SCOC: variants seen among roughly 807,000 people sequenced by gnomAD.
SCOC encodes short coiled coil protein.
Under a neutral mutation model 9.9 loss-of-function variants are expected in SCOC, and 7 were observed. The observed-to-expected ratio is 0.71, with a 90% confidence interval of 0.40 to 1.33. The LOEUF (loss-of-function observed/expected upper bound fraction) is 1.33. Among genes scored for constraint, SCOC ranks in the 40% most tolerant of loss-of-function variants. The probability of loss-of-function intolerance (pLI) is 0.01; values close to 1 mark genes in which losing one functional copy is unlikely to be tolerated. For missense variants in SCOC, 66 were observed against 89.7 expected (o/e 0.74, Z 1.07); for synonymous variants, 19 against 28.2 (o/e 0.67, Z 1.03).
chr4:140,340,102 C>T (rs966770385), upstream of SCOC, among the ~76,000 whole-genome samples: 1 of 152,112 alleles, frequency 6.6e-6, no homozygotes, highest in African/African-American at 2.4e-5. Context: ...ACATATACAC[C>T]ATGGAATACT....
chr4:140,288,816 C>T (rs1731380742), intron 1 of SCOC, among the ~76,000 whole-genome samples: 2 of 151,974 alleles, frequency 1.3e-5, no homozygotes. Flanking sequence ...ACGTAAATAC[C>T]CACATACTAC....
At chr4:140,369,042 G>C (rs1383774183), upstream of SCOC, among the ~76,000 whole-genome samples, 1 of 151,230 alleles carries the variant, frequency 6.6e-6, no homozygotes, top group Non-Finnish European at 1.5e-5. Context: ...AAATCCTTTG[G>C]AATTCTTGCT....
At chr4:140,377,277 C>G (rs921332107) in intron 1 of SCOC, among the ~76,000 whole-genome samples, 1 of 152,086 alleles carries the variant, frequency 6.6e-6, no homozygotes, top group Non-Finnish European at 1.5e-5. Flanking sequence ...CATGTTGATT[C>G]AATGGAGAGG....
chr4:140,381,247 AT>A lies in SCOC; in HGVS notation c.*144del. 1.4e-6 allele frequency: 1 copy of A among 718,740 alleles called. No homozygotes were observed. Among genetic ancestry groups the A allele is most frequent in the Non-Finnish European group, 2.2e-6 (1 of 457,684 alleles). The allele number at this position is 718,740 out of a possible 1,614,324, so 44.5% of individuals were successfully genotyped here. A position where few individuals can be genotyped will look rare whatever the true frequency, so the allele number is the denominator to read the frequency against. ...GTCAGATGTAGACAAAAATAACACA[AT>A]AACAGGAGACTTCCATAAGTTTGTG... On this transcript the variant is annotated 3_prime_UTR_variant, in exon 4 of 4. Coordinates refer to ENST00000608372, the MANE Select transcript of SCOC (RefSeq NM_001153484.2).
chr4:140,258,551 G>A (rs1046261336), intron 1 of SCOC, among the ~76,000 whole-genome samples: 16 of 152,166 alleles, frequency 1.1e-4, no homozygotes, highest in Admixed American at 4.6e-4. Context: ...GGAGGTGAAT[G>A]CCATGCCAAT....
At chr4:140,276,697 T>C (rs1730991715) in intron 1 of SCOC, among the ~76,000 whole-genome samples, 2 of 151,904 alleles carry the variant, frequency 1.3e-5, no homozygotes, top group Admixed American at 1.3e-4. Context: ...CCTCAGGTGA[T>C]CCACCTGTCT....
chr4:140,281,563 G>T (rs111961568), intron 1 of SCOC, among the ~76,000 whole-genome samples: 27 of 152,310 alleles, frequency 1.8e-4, no homozygotes, highest in African/African-American at 6.0e-4. Context: ...GTTATTTCTT[G>T]CTTTGTGGCC....
intron 2 of SCOC, 108 bp from the exon 3 acceptor site, chr4:140,379,461 A>C: frequency 1.2e-6 from 1 of 825,290 alleles, no homozygotes; most frequent in Non-Finnish European, 2.0e-6. Flanking sequence ...GGGCTCTTGT[A>C]TAAGTCAAGT....
At chr4:140,258,928 G>GT (rs1730569839) in intron 1 of SCOC, among the ~76,000 whole-genome samples, 1 of 152,222 alleles carries the variant, frequency 6.6e-6, no homozygotes, top group Non-Finnish European at 1.5e-5. Flanking sequence ...CTGAGCCAGA[G>GT]TATTTTCACT....
chr4:140,373,853 G>T (rs1728190886), intron 1 of SCOC, 136 bp downstream of exon 1: 10 of 975,520 alleles, frequency 1.0e-5, no homozygotes, highest in Non-Finnish European at 1.6e-5. Flanking sequence ...AGCGGTCTCG[G>T]GCCTGGGCAT....
intron 1 of SCOC, among the ~76,000 whole-genome samples, chr4:140,291,025 A>G (rs543638060): frequency 1.6e-4 from 25 of 152,168 alleles, no homozygotes; most frequent in Non-Finnish European, 3.1e-4. Flanking sequence ...TTGTTTTCTC[A>G]CTGGGAACTT....
intron 1 of SCOC, among the ~76,000 whole-genome samples, chr4:140,315,923 T>A (rs1178793169): frequency 6.6e-6 from 1 of 152,052 alleles, no homozygotes; most frequent in African/African-American, 2.4e-5. Flanking sequence ...AGATAGCAGG[T>A]TGCAGTGGCT....
intron 2 of SCOC, among the ~76,000 whole-genome samples, chr4:140,363,408 A>G (rs1468902001): frequency 6.6e-6 from 1 of 152,228 alleles, no homozygotes; most frequent in Non-Finnish European, 1.5e-5. Flanking sequence ...AAAAATTCAC[A>G]AACTTCATAG....
In SCOC at chr4:140,313,322, G is replaced by GCAAC. The variant is rs562908820; in HGVS notation, c.-18-30297_-18-30294dup. Among the ~76,000 whole-genome samples, 275 of 152,274 alleles carry GCAAC rather than the reference G, an allele frequency of 1.8e-3. 1 individual carries two copies. Among genetic ancestry groups the GCAAC allele is most frequent in the African/African-American group, 6.2e-3 (259 of 41,560 alleles). On this transcript the variant is annotated intron_variant, in intron 1 of 4. Coordinates refer to the SCOC transcript ENST00000394205. ...GTGCAATGGCGCGATCTAGCTCACT[G>GCAAC]CAACCTCTGCTTCCCGGGTTCTAGC...
intron 2 of SCOC, 75 bp from the exon 3 acceptor site, chr4:140,379,494 G>T: frequency 9.4e-7 from 1 of 1,062,582 alleles, no homozygotes. Flanking sequence ...AAAACATTTT[G>T]CAGATTTTTA....
chr4:140,304,357 T>C (rs1269618219), intron 1 of SCOC, among the ~76,000 whole-genome samples: 1 of 152,164 alleles, frequency 6.6e-6, no homozygotes, highest in Non-Finnish European at 1.5e-5. Context: ...CCACTGATTC[T>C]GGACATGTTG....
At chr4:140,358,492 TA>T (rs1013886766) in intron 2 of SCOC, among the ~76,000 whole-genome samples, 1 of 152,230 alleles carries the variant, frequency 6.6e-6, no homozygotes, top group African/African-American at 2.4e-5. Context: ...TTAACCTCTC[TA>T]AACTTCAGTT....
upstream of SCOC, chr4:140,373,262 C>T (rs1728137657): frequency 1.5e-6 from 2 of 1,292,320 alleles, no homozygotes; most frequent in South Asian, 1.8e-5. Flanking sequence ...CTCATACCAA[C>T]CTCTTTCCTG....
At position 140,384,755 on chromosome 4, in the gene SCOC, G is replaced by T. The variant is rs931473043; in HGVS notation, c.*3651G>T. The T allele has an allele frequency of 6.6e-6, 1 of 152,104 alleles. No individual in the cohort carries two copies. Among genetic ancestry groups the T allele is most frequent in the Non-Finnish European group, 1.5e-5 (1 of 68,038 alleles). 9.4% of individuals were successfully genotyped at this position (152,104 alleles called of 1,614,324 possible). On this transcript the variant is annotated 3_prime_UTR_variant, in exon 4 of 4. Coordinates refer to ENST00000608372, the MANE Select transcript of SCOC (RefSeq NM_001153484.2). ...TTACATGCTGGTAGAATAATGTTTGGTAGGGAAAAATCAGCATACTCCTTG... is the reference window on the plus strand; with the variant it reads ...TTACATGCTGGTAGAATAATGTTTGTTAGGGAAAAATCAGCATACTCCTTG...
Sources: allele counts gnomAD v4.1 joint callset (sites outside exome capture counted in the v4.1 genomes callset), GRCh38; gene constraint gnomAD v4.1.1; transcripts MANE v1.5; gene names NCBI Gene and HGNC (gene_info 2026-07-23, HGNC 2026-07-21).